The following SRPX variants were observed in gnomAD, a reference collection of about 807,000 sequenced individuals.
The protein encoded by SRPX is sushi repeat containing protein X-linked, also known as sushi repeat-containing protein SRPX.
SRPX carries 24 observed loss-of-function variants against 38.1 expected under a neutral mutation model. The observed-to-expected ratio is 0.63, with a 90% CI of 0.46 to 0.89. The LOEUF (loss-of-function observed/expected upper bound fraction) is 0.89, where lower values mean the gene tolerates loss of function less well. Ranked by LOEUF, SRPX falls within the 40% of genes least tolerant of loss-of-function variation. The pLI is 0.00. For synonymous variants in SRPX, 184 were observed against 153.8 expected (o/e 1.20, Z -1.45); for missense variants, 416 against 377.8 (o/e 1.10, Z -0.84).
At chrX:38,208,617 G>A (rs952663465) in intron 1 of SRPX, among the ~76,000 whole-genome samples, 5 of 111,159 alleles carry the variant, frequency 4.5e-5, no homozygotes, top group Non-Finnish European at 9.4e-5. Context: ...GAAAATGAAG[G>A]GTGGGCCTGC....
Position 38,163,491 on chromosome X carries a change from A to G in SRPX, c.653+1278T>C, listed in dbSNP as rs774525440. 3.6e-5 allele frequency among the ~76,000 whole-genome samples: 4 copies of G among 112,235 alleles called. No individual in the cohort carries two copies. The South Asian group carries it at 1.5e-3, about 42-fold the overall frequency. On this transcript the variant is annotated intron_variant, in intron 5 of 9. Transcript: ENST00000378533. ...AAGGCACAGATATGAATGTGCTAAC[A>G]TGAAGTAGTGGTCTCCAGGGAATAT... is the stretch of plus-strand genomic sequence containing the variant.
In SRPX at chrX:38,157,002, G is replaced by A. The variant is rs146651232; in HGVS notation, c.983C>T (p.Thr328Met). ...AAMNVNVGVR[T>M]AAALLDQFYE... ...AAACTGATCCAGAAGTGCAGCTGCC[G>A]TTCTGACACCCACATTGACGTTCAT... The change falls in exon 8 of 10, where the codon ACG (threonine) becomes ATG (methionine). Residue 328 changes from threonine (T) to methionine (M), a missense_variant. By Grantham distance (81) the Thr-to-Met change is moderately conservative. Transcript: ENST00000378533. The A allele has an allele frequency of 7.1e-5, 86 of 1,209,634 alleles. No homozygotes were observed. In the African/African-American group the frequency reaches 1.1e-3, roughly 15 times the overall value.
intron 7 of SRPX, among the ~76,000 whole-genome samples, chrX:38,158,746 C>T (rs1602438564): frequency 9.0e-6 from 1 of 111,456 alleles, no homozygotes; most frequent in Non-Finnish European, 1.9e-5. Flanking sequence ...TTTGGGAGGC[C>T]GAGGCGTGCA....
chrX:38,171,431 G>C (rs1193113316), intron 4 of SRPX, among the ~76,000 whole-genome samples: 1 of 111,600 alleles, frequency 9.0e-6, no homozygotes, highest in Non-Finnish European at 1.9e-5. Context: ...AACAAACCCA[G>C]AGTAAGGCAA....
At chrX:38,156,125 T>C (rs1200329746) in intron 8 of SRPX, among the ~76,000 whole-genome samples, 8 of 112,171 alleles carry the variant, frequency 7.1e-5, no homozygotes, top group Admixed American at 4.7e-4. Context: ...ACTGTATCCA[T>C]GGCACAGCAT....
In SRPX at chrX:38,177,034, T is replaced by A. The variant is rs779248414; in HGVS notation, c.157+1251A>T. 3.6e-5 allele frequency among the ~76,000 whole-genome samples: 4 copies of A among 110,932 alleles called. No homozygotes were observed. The Admixed American group carries it at 3.8e-4, about 11-fold the overall frequency. On this transcript the variant is annotated intron_variant, in intron 2 of 9. Coordinates refer to ENST00000378533, the MANE Select transcript of SRPX (RefSeq NM_006307.5). ...CAATGCTGTGAGGTGAAGATGGATG[T>A]GAAGAACAAGGACCTGAGGGCACTA...
intron 1 of SRPX, among the ~76,000 whole-genome samples, chrX:38,217,168 G>C (rs1246772903): frequency 1.8e-5 from 2 of 112,752 alleles, no homozygotes; most frequent in Non-Finnish European, 3.7e-5. Flanking sequence ...ATACAAATAA[G>C]GGTAAGACAT....
At chrX:38,208,578 A>G (rs1003979449) in intron 1 of SRPX, among the ~76,000 whole-genome samples, 1 of 112,162 alleles carries the variant, frequency 8.9e-6, no homozygotes, top group Non-Finnish European at 1.9e-5. Flanking sequence ...CTGAGTGGCA[A>G]TTTCAGAAAA....
intron 1 of SRPX, among the ~76,000 whole-genome samples, chrX:38,194,332 T>C (rs1172804254): frequency 8.9e-6 from 1 of 112,024 alleles, no homozygotes; most frequent in Non-Finnish European, 1.9e-5. Context: ...ACCACAGTCA[T>C]ACCATTTCTG....
At chrX:38,178,500 G>A (rs1182775540) in intron 1 of SRPX, among the ~76,000 whole-genome samples, 156 bp from the exon 2 acceptor site, 1 of 111,833 alleles carries the variant, frequency 8.9e-6, no homozygotes, top group Non-Finnish European at 1.9e-5. Context: ...GGAACAAACA[G>A]GAGATCTCTC....
At chrX:38,207,424 G>T (rs1045120899) in intron 1 of SRPX, among the ~76,000 whole-genome samples, 1 of 112,003 alleles carries the variant, frequency 8.9e-6, no homozygotes, top group Non-Finnish European at 1.9e-5. Context: ...CATTCACAAA[G>T]CTCTGTAGCC....
chrX:38,172,173 G>C, intron 3 of SRPX, 116 bp from the exon 4 acceptor site: 1 of 811,704 alleles, frequency 1.2e-6, no homozygotes, highest in South Asian at 2.8e-5. Context: ...ATATAAGAAG[G>C]CCAGGCGCAG....
Position 38,178,672 on chromosome X carries a change from A to G in SRPX, c.98-328T>C, listed in dbSNP as rs770662440. On this transcript the variant is annotated intron_variant, in intron 1 of 9. Transcript: ENST00000378533. The stretch of plus-strand genomic sequence containing the variant: ...ATGTATATGAATCTCATGCCAGGGG[A>G]GATGCAATAAAATGTGTGCATCAGA... Among the ~76,000 whole-genome samples, 3 of 111,934 alleles carry G rather than the reference A, an allele frequency of 2.7e-5. No individual in the cohort carries two copies. In the South Asian group the frequency reaches 1.1e-3, roughly 42 times the overall value.
intron 1 of SRPX, among the ~76,000 whole-genome samples, chrX:38,198,785 CAT>C (rs1157031403): frequency 9.0e-6 from 1 of 111,463 alleles, no homozygotes; most frequent in Non-Finnish European, 1.9e-5. Context: ...ACATTACTAA[CAT>C]ATTAAGTTCT....
chrX:38,191,848 C>A (rs1188745785), intron 1 of SRPX, among the ~76,000 whole-genome samples: 2 of 112,160 alleles, frequency 1.8e-5, no homozygotes, highest in Admixed American at 1.9e-4. Flanking sequence ...CACACCTTAT[C>A]TAGAACTCCC....
chrX:38,177,813 T>G (rs1342251715), intron 2 of SRPX, among the ~76,000 whole-genome samples: 1 of 112,012 alleles, frequency 8.9e-6, no homozygotes, highest in Non-Finnish European at 1.9e-5. Flanking sequence ...CAACATACTT[T>G]AACATACCGT....
chrX:38,154,798 AGTGGGATTTT>A (rs1435677283), intron 8 of SRPX, among the ~76,000 whole-genome samples: 4 of 112,084 alleles, frequency 3.6e-5, no homozygotes, highest in Non-Finnish European at 7.5e-5. Flanking sequence ...ATGGCTTGAC[AGTGGGATTTT>A]GAAAACCTAA....
At chrX:38,195,251 T>C (rs1333303206) in intron 1 of SRPX, among the ~76,000 whole-genome samples, 3 of 111,191 alleles carry the variant, frequency 2.7e-5, no homozygotes, top group Non-Finnish European at 5.6e-5. Flanking sequence ...ATTTAGGACA[T>C]TGGTTACCTC....
chrX:38,171,456 T>C (rs1355495651), intron 4 of SRPX, among the ~76,000 whole-genome samples: 1 of 111,375 alleles, frequency 9.0e-6, no homozygotes, highest in Non-Finnish European at 1.9e-5. Flanking sequence ...TCCAAATCCC[T>C]TCCAGCTGAA....
Sources: gnomAD v4.1 joint callset for allele counts (sites outside exome capture counted in the v4.1 genomes callset) on GRCh38, gnomAD v4.1.1 for gene constraint, MANE v1.5 for transcripts, NCBI Gene and HGNC (gene_info 2026-07-23, HGNC 2026-07-21) for gene names.